The following IRAG1 variants were observed in gnomAD, a reference collection of about 807,000 sequenced individuals.
IRAG1 encodes inositol 1,4,5-triphosphate receptor associated 1.
A neutral mutation model predicts 106.2 loss-of-function variants in IRAG1; 62 were observed. The ratio of observed to expected loss-of-function variants is 0.58; its 90% CI spans 0.48 to 0.72. IRAG1 has a LOEUF of 0.72. Among genes scored for constraint, IRAG1 ranks in the 30% least tolerant of loss-of-function variants. The pLI, the probability that IRAG1 is intolerant of heterozygous loss-of-function variation, is 0.00. For missense variants in IRAG1, 1,064 were observed against 1,140.7 expected, an observed-to-expected ratio of 0.93 and a Z score of 0.97; for synonymous variants, 462 against 443.9, an observed-to-expected ratio of 1.04 and a Z score of -0.51.
chr11:10,678,074 A>C (rs1860847042), intron 1 of IRAG1, among the ~76,000 whole-genome samples: 1 of 152,070 alleles, frequency 6.6e-6, no homozygotes, highest in Non-Finnish European at 1.5e-5. Context: ...TTATTCATTC[A>C]TCAGGTGATA....
Position 10,629,599 on chromosome 11 carries a change from A to G in IRAG1, c.513T>C (p.Ser171=). The G allele has an allele frequency of 6.2e-7, 1 of 1,613,818 alleles. No individual in the cohort carries two copies. The highest frequency in any genetic ancestry group is 8.5e-7 in the Non-Finnish European group (1 of 1,179,836). The change falls in exon 5 of 21, where the codon AGT becomes AGC. Residue 171 remains serine, a synonymous_variant. Transcript: ENST00000423302. ...TCCCACGGCGGGTCAGGAATCGCTC[A>G]CTCACCAACTTGGCTTCTTCCAGCA... The part of the protein sequence containing the change: ...LALLEEAKLV[S]ERFLTRRGRK...
In IRAG1 at chr11:10,632,038, A is replaced by G. The variant is rs1381298429; in HGVS notation, c.353T>C (p.Leu118Pro). 1 of 1,613,796 alleles carries G rather than the reference A, an allele frequency of 6.2e-7. No homozygotes were observed. The highest frequency in any genetic ancestry group is 1.3e-5 in the African/African-American group (1 of 74,918). Residue 118 changes from leucine (L) to proline (P), a missense_variant, in exon 4 of 21, where the codon CTT becomes CCT. Physicochemically the swap from Leu to Pro is moderately conservative, Grantham distance 98. Coordinates refer to ENST00000423302, the MANE Select transcript of IRAG1 (RefSeq NM_130385.4). ...GGACACCTTCAAGTGTCGGTGAGAA[A>G]GCCTCTTGTGGGGACTGTGAACTCT... ...ANRVHSPHKR[L>P]SHRHLKVSTA...
rs1861069824 is a variant in IRAG1 at position 10,680,344 on chromosome 11, G to GAAA, written c.67+13191_67+13192insTTT. 5.4e-4 allele frequency among the ~76,000 whole-genome samples: 37 copies of GAAA among 67,990 alleles called. 1 individual carries two copies. The highest frequency in any genetic ancestry group is 1.3e-3 in the African/African-American group (20 of 15,436). 44.6% of individuals were successfully genotyped at this position (67,990 alleles called of 152,430 possible). On this transcript the variant is annotated intron_variant, in intron 1 of 20. Transcript: ENST00000423302. ...AGGGGGGAAGGAAGGAAGGAAGGAAGGAAAGAAAGAAAGAAAGAAAGAAAG... is the reference window on the plus strand; with the variant it reads ...AGGGGGGAAGGAAGGAAGGAAGGAAGAAAGAAAGAAAGAAAGAAAGAAAGAAAG...
At chr11:10,611,961 G>C (rs1446926366) in intron 10 of IRAG1, among the ~76,000 whole-genome samples, 1 of 151,724 alleles carries the variant, frequency 6.6e-6, no homozygotes, top group Non-Finnish European at 1.5e-5. Context: ...GAAGAAGAGA[G>C]GAAAGGCAGA....
intron 1 of IRAG1, among the ~76,000 whole-genome samples, chr11:10,686,636 C>A (rs756690466): frequency 1.3e-5 from 2 of 152,082 alleles, no homozygotes; most frequent in Non-Finnish European, 2.9e-5. Context: ...GGGGCAGGAA[C>A]AAAGGGTCAG....
chr11:10,693,239 G>C (rs1862199440), intron 1 of IRAG1, among the ~76,000 whole-genome samples: 1 of 152,136 alleles, frequency 6.6e-6, no homozygotes, highest in South Asian at 2.1e-4. Flanking sequence ...GAAAGCTAGG[G>C]GTTGCAATCG....
rs1479493297 is a variant in IRAG1, at chr11:10,657,046, G to A, written c.68-4864C>T. 6.6e-6 allele frequency among the ~76,000 whole-genome samples: 1 copy of A among 152,118 alleles called. No individual in the cohort carries two copies. The highest frequency in any genetic ancestry group is 1.5e-5 in the Non-Finnish European group (1 of 68,012). ...GTCCTCTGGTAGGTGGTAGCAGCAG[G>A]TGGAGGACGCGGAGGCCGGCCCTGC... On this transcript the variant is annotated intron_variant, in intron 1 of 20. Coordinates refer to ENST00000423302, the MANE Select transcript of IRAG1 (RefSeq NM_130385.4). The surrounding 1 kb of genome is among the most constrained non-coding windows in gnomAD (Gnocchi z 4.1).
At chr11:10,602,897 T>C (rs1854150750) in intron 14 of IRAG1, among the ~76,000 whole-genome samples, 1 of 152,126 alleles carries the variant, frequency 6.6e-6, no homozygotes, top group South Asian at 2.1e-4. Context: ...TATGCAGTAG[T>C]CCCCAAACTT....
intron 10 of IRAG1, among the ~76,000 whole-genome samples, chr11:10,618,946 A>G (rs1203285117): frequency 6.6e-6 from 1 of 152,100 alleles, no homozygotes; most frequent in African/African-American, 2.4e-5. Context: ...CCATGGTGTG[A>G]GCTGGGTTGG....
intron 1 of IRAG1, among the ~76,000 whole-genome samples, chr11:10,658,144 G>C (rs1458504144): frequency 6.6e-6 from 1 of 152,246 alleles, no homozygotes; most frequent in Non-Finnish European, 1.5e-5. Context: ...AGTGCTGGGA[G>C]GTGCCTCTGG....
At chr11:10,675,956 C>G (rs1860621159) in intron 1 of IRAG1, among the ~76,000 whole-genome samples, 1 of 152,328 alleles carries the variant, frequency 6.6e-6, no homozygotes, top group Admixed American at 6.5e-5. Flanking sequence ...AAGGAACAAG[C>G]CTCTCCCCTG....
chr11:10,629,246 ACT>A (rs893410679), intron 5 of IRAG1, among the ~76,000 whole-genome samples: 4 of 152,050 alleles, frequency 2.6e-5, no homozygotes, highest in African/African-American at 9.7e-5. Flanking sequence ...AAGAAAAGTG[ACT>A]CTAGCATAGA....
intron 1 of IRAG1, among the ~76,000 whole-genome samples, chr11:10,661,793 A>G (rs1293057622): frequency 6.6e-6 from 1 of 152,200 alleles, no homozygotes; most frequent in African/African-American, 2.4e-5. Context: ...CAATTTAATC[A>G]TATCTGCAAA....
intron 15 of IRAG1, among the ~76,000 whole-genome samples, chr11:10,598,160 G>A (rs1293259736): frequency 1.3e-5 from 2 of 152,192 alleles, no homozygotes; most frequent in East Asian, 3.9e-4. Flanking sequence ...TACCATAGGT[G>A]TTCCAGGCCT....
chr11:10,624,743 G>A (rs1331558631), intron 9 of IRAG1, among the ~76,000 whole-genome samples: 1 of 152,226 alleles, frequency 6.6e-6, no homozygotes, highest in African/African-American at 2.4e-5. Flanking sequence ...GCACACTGGA[G>A]TCGGGTAGGG....
intron 10 of IRAG1, among the ~76,000 whole-genome samples, chr11:10,616,351 A>C (rs546915714): frequency 1.1e-4 from 17 of 151,996 alleles, no homozygotes; most frequent in Non-Finnish European, 2.2e-4. Context: ...AAATGCTTGG[A>C]ATATATCTAG....
intron 2 of IRAG1, among the ~76,000 whole-genome samples, chr11:10,646,140 G>A (rs78842173): frequency 4.3e-4 from 66 of 152,262 alleles, no homozygotes; most frequent in African/African-American, 1.6e-3. Context: ...CTGGCTGCTT[G>A]GTCATCCTCC....
At chr11:10,671,580 C>T (rs770517171) in intron 1 of IRAG1, among the ~76,000 whole-genome samples, 4 of 151,972 alleles carry the variant, frequency 2.6e-5, no homozygotes, top group East Asian at 1.9e-4. Flanking sequence ...GGCATGGTGG[C>T]GCGCACCTGT....
intron 10 of IRAG1, chr11:10,617,272 A>G (rs1855506516): frequency 1.2e-6 from 1 of 802,654 alleles, no homozygotes; most frequent in Non-Finnish European, 1.5e-6. Flanking sequence ...CAGTAGATAC[A>G]CTTTGTCATT....
Sources: gnomAD v4.1 joint callset for allele counts (sites outside exome capture counted in the v4.1 genomes callset) on GRCh38, gnomAD v4.1.1 for gene constraint, Gnocchi (gnomAD v3.1) non-coding constraint, MANE v1.5 for transcripts, NCBI Gene and HGNC (gene_info 2026-07-23, HGNC 2026-07-21) for gene names.